Variants in GABRA2 observed in about 807,000 individuals in gnomAD.
The protein encoded by GABRA2 is gamma-aminobutyric acid type A receptor subunit alpha2, also known as gamma-aminobutyric acid receptor subunit alpha-2.
In GABRA2, 16 loss-of-function variants were observed where a neutral mutation model predicts 48.7. The observed-to-expected ratio is 0.33, with a 90% CI of 0.22 to 0.50. The LOEUF (loss-of-function observed/expected upper bound fraction) is 0.50. Ranked by LOEUF, GABRA2 falls within the 20% of genes least tolerant of loss-of-function variation. The pLI is 0.98. For synonymous variants in GABRA2, 185 were observed against 184.5 expected, an observed-to-expected ratio of 1.00 and a Z score of -0.02; for missense variants, 275 against 535.6, an observed-to-expected ratio of 0.51 and a Z score of 4.80.
At position 46,369,495 on chromosome 4, in the gene GABRA2, T is replaced by A. The variant is rs550855415; in HGVS notation, c.187+16579A>T. ...AATTATTTTCAGATGGATATTTAGTTCTTGCAGCTTGACAAATACAGATAC... is the reference window on the plus strand; with the variant it reads ...AATTATTTTCAGATGGATATTTAGTACTTGCAGCTTGACAAATACAGATAC... On this transcript the variant is annotated intron_variant, in intron 3 of 9. Transcript: ENST00000381620. Among the ~76,000 whole-genome samples the A allele has an allele frequency of 2.6e-5, 4 of 152,202 alleles. No individual in the cohort carries two copies. The South Asian group carries it at 8.3e-4, about 32-fold the overall frequency.
At chr4:46,389,599 G>T in intron 1 of GABRA2, 136 bp downstream of exon 1, 1 of 469,864 alleles carries the variant, frequency 2.1e-6, no homozygotes, top group Non-Finnish European at 2.8e-6. Flanking sequence ...GCGCTGGGGA[G>T]GAGGGAGGTG....
chr4:46,334,671 G>C (rs1434714979), intron 3 of GABRA2, among the ~76,000 whole-genome samples: 1 of 152,078 alleles, frequency 6.6e-6, no homozygotes, highest in Non-Finnish European at 1.5e-5. Context: ...GCTATAGGGA[G>C]GTGTCAGCTA....
chr4:46,264,957 C>T (rs1368560430), intron 8 of GABRA2, among the ~76,000 whole-genome samples: 1 of 114,610 alleles, frequency 8.7e-6, no homozygotes, highest in African/African-American at 3.0e-5. Context: ...AAATTTTTGG[C>T]ATACAATTGT....
At chr4:46,306,596 AC>A (rs1345597804) in intron 6 of GABRA2, among the ~76,000 whole-genome samples, 1 of 152,150 alleles carries the variant, frequency 6.6e-6, no homozygotes, top group African/African-American at 2.4e-5. Context: ...TATACTACTG[AC>A]CTTCTGAAGA....
intron 4 of GABRA2, among the ~76,000 whole-genome samples, chr4:46,313,560 ACT>A (rs1470604236): frequency 7.7e-6 from 1 of 129,866 alleles, no homozygotes; most frequent in Non-Finnish European, 1.6e-5. Flanking sequence ...CTTACGTGAA[ACT>A]CTGTTTCTCT....
At chr4:46,254,238 C>A (rs1386342516) in intron 9 of GABRA2, among the ~76,000 whole-genome samples, 3 of 151,382 alleles carry the variant, frequency 2.0e-5, no homozygotes, top group Non-Finnish European at 3.0e-5. Flanking sequence ...GGCTTTGGAT[C>A]CAGCCACACC....
chr4:46,367,112 G>A (rs915535560), intron 3 of GABRA2: 1 of 152,038 alleles, frequency 6.6e-6, no homozygotes, highest in Non-Finnish European at 1.5e-5. Flanking sequence ...AATTTTATGT[G>A]CTACTGAATT....
rs1157703912 is a variant in GABRA2, at chr4:46,377,256, C to G, written c.187+8818G>C. 2.0e-5 allele frequency among the ~76,000 whole-genome samples: 3 copies of G among 151,124 alleles called. No homozygotes were observed. The East Asian group carries it at 6.0e-4, about 30-fold the overall frequency. On this transcript the variant is annotated intron_variant, in intron 3 of 9. Coordinates refer to ENST00000381620, the MANE Select transcript of GABRA2 (RefSeq NM_000807.4). ...GCCCAGTCTGGAAAGTGAGGAGCATCTCTGCCCGGCCGCCATCCCATCTAG... is the reference window on the plus strand; with the variant it reads ...GCCCAGTCTGGAAAGTGAGGAGCATGTCTGCCCGGCCGCCATCCCATCTAG...
intron 6 of GABRA2, among the ~76,000 whole-genome samples, chr4:46,306,601 C>G (rs1726743842): frequency 6.6e-6 from 1 of 152,198 alleles, no homozygotes; most frequent in Non-Finnish European, 1.5e-5. Flanking sequence ...TACTGACCTT[C>G]TGAAGAACTT....
chr4:46,356,790 C>T (rs1367278881), intron 3 of GABRA2, among the ~76,000 whole-genome samples: 4 of 152,142 alleles, frequency 2.6e-5, no homozygotes, highest in Non-Finnish European at 4.4e-5. Flanking sequence ...GGACATTTCC[C>T]TCCCTAGAGG....
At chr4:46,302,357 CCTCT>C (rs1487655363) in intron 8 of GABRA2, 1 of 151,820 alleles carries the variant, frequency 6.6e-6, no homozygotes, top group African/African-American at 2.4e-5. Flanking sequence ...ATTACACTAA[CCTCT>C]CTCTCTCATT....
At chr4:46,281,948 AG>A (rs1017643924) in intron 8 of GABRA2, among the ~76,000 whole-genome samples, 2 of 152,150 alleles carry the variant, frequency 1.3e-5, no homozygotes, top group African/African-American at 4.8e-5. Context: ...CAAGCAGGAG[AG>A]AAGGAATGCA....
At chr4:46,320,352 G>T (rs1177406903) in intron 4 of GABRA2, among the ~76,000 whole-genome samples, 1 of 151,798 alleles carries the variant, frequency 6.6e-6, no homozygotes, top group East Asian at 1.9e-4. Context: ...GAGAAGATAG[G>T]CTCTTTGACA....
At chr4:46,356,699 T>C (rs1419391758) in intron 3 of GABRA2, among the ~76,000 whole-genome samples, 3 of 152,170 alleles carry the variant, frequency 2.0e-5, no homozygotes. Flanking sequence ...ATGAGCAGAA[T>C]GAACAAGACA....
At chr4:46,353,238 T>A (rs1240413753) in intron 3 of GABRA2, among the ~76,000 whole-genome samples, 1 of 152,054 alleles carries the variant, frequency 6.6e-6, no homozygotes, top group East Asian at 1.9e-4. Flanking sequence ...GCTGACTCCA[T>A]CATCAAAATA....
At chr4:46,253,518 G>A (rs747920737) in intron 9 of GABRA2, among the ~76,000 whole-genome samples, 12 of 151,610 alleles carry the variant, frequency 7.9e-5, no homozygotes, top group Non-Finnish European at 1.5e-4. Flanking sequence ...TTTATTGACA[G>A]CTATAAATAA....
At chr4:46,352,582 G>C (rs1333472359) in intron 3 of GABRA2, among the ~76,000 whole-genome samples, 4 of 151,918 alleles carry the variant, frequency 2.6e-5, no homozygotes, top group Non-Finnish European at 5.9e-5. Flanking sequence ...CAGTTCCTAA[G>C]GATATATCAA....
At chr4:46,280,097 A>G (rs1391363967) in intron 8 of GABRA2, among the ~76,000 whole-genome samples, 3 of 152,004 alleles carry the variant, frequency 2.0e-5, no homozygotes. Context: ...TTTAAAGTAT[A>G]GTGGGAAAAA....
At chr4:46,289,154 T>C (rs1174398741) in intron 8 of GABRA2, among the ~76,000 whole-genome samples, 2 of 152,116 alleles carry the variant, frequency 1.3e-5, no homozygotes, top group Non-Finnish European at 2.9e-5. Flanking sequence ...GGTGATTCCT[T>C]AAAGTCCTAA....
Sources: gnomAD v4.1 joint callset for allele counts (sites outside exome capture counted in the v4.1 genomes callset) on GRCh38, gnomAD v4.1.1 for gene constraint, MANE v1.5 for transcripts, NCBI Gene and HGNC (gene_info 2026-07-23, HGNC 2026-07-21) for gene names.